ANAPC4: variants seen among roughly 807,000 people sequenced by gnomAD.
The protein encoded by ANAPC4 is anaphase-promoting complex subunit 4.
Under a neutral mutation model 119.8 loss-of-function variants are expected in ANAPC4, and 63 were observed. The ratio of observed to expected loss-of-function variants is 0.53; its 90% confidence interval spans 0.43 to 0.65. ANAPC4 has a LOEUF of 0.65. ANAPC4 is among the 30% of genes least tolerant of loss of function. ANAPC4 has a pLI of 0.00. For synonymous variants in ANAPC4, 283 were observed against 318.6 expected, an observed-to-expected ratio of 0.89 and a Z score of 1.19; for missense variants, 716 against 945.1, an observed-to-expected ratio of 0.76 and a Z score of 3.18.
chr4:25,394,919 G>C lies in ANAPC4; in HGVS notation c.1061+14G>C, dbSNP rs376131064. On this transcript the variant is annotated intron_variant, in intron 14 of 28. Transcript: ENST00000315368. ...TCATTTACAGAGGTATGAAGGTGACGTAGAATTTTTTGGTATTGTATCCAC... is the reference window on the plus strand; with the variant it reads ...TCATTTACAGAGGTATGAAGGTGACCTAGAATTTTTTGGTATTGTATCCAC... 9 of 1,603,786 alleles carry C rather than the reference G, an allele frequency of 5.6e-6. No individual in the cohort carries two copies. The highest frequency in any genetic ancestry group is 7.7e-6 in the Non-Finnish European group (9 of 1,174,672).
chr4:25,410,168 G>A (rs1328788843), intron 21 of ANAPC4, among the ~76,000 whole-genome samples: 2 of 152,006 alleles, frequency 1.3e-5, no homozygotes, highest in African/African-American at 4.8e-5. Flanking sequence ...TATTCTCCTC[G>A]GGTTGTAGTT....
At chr4:25,386,307 G>A (rs1026027561) in intron 4 of ANAPC4, among the ~76,000 whole-genome samples, 2 of 151,936 alleles carry the variant, frequency 1.3e-5, no homozygotes, top group Non-Finnish European at 2.9e-5. Context: ...CTGCCTGCAG[G>A]GTTCAAGTGA....
At chr4:25,378,544 G>A (rs940945446) in intron 2 of ANAPC4, among the ~76,000 whole-genome samples, 1 of 152,256 alleles carries the variant, frequency 6.6e-6, no homozygotes, top group African/African-American at 2.4e-5. Context: ...TAGGAGGGAA[G>A]GTAGACGGGA....
chr4:25,409,622 G>T, intron 20 of ANAPC4, 76 bp from the exon 21 acceptor site: 4 of 1,128,448 alleles, frequency 3.5e-6, no homozygotes, highest in Admixed American at 2.3e-5. Flanking sequence ...ACTTTTTTTT[G>T]TCTTTTACTT....
In ANAPC4 at chr4:25,407,187, T is replaced by A; in HGVS notation, c.1375-10T>A. ...GACTTAAGAATTAAACTATGTTTAT[T>A]TTTTTCCAGGCTCCAGACCTTTATA... On this transcript the variant is annotated splice_polypyrimidine_tract_variant and intron_variant, in intron 19 of 28. Coordinates refer to ENST00000315368, the MANE Select transcript of ANAPC4 (RefSeq NM_013367.3). 1 of 1,595,078 alleles carries A rather than the reference T, an allele frequency of 6.3e-7. No homozygotes were observed. The highest frequency in any genetic ancestry group is 1.1e-5 in the South Asian group (1 of 87,600).
In ANAPC4 at chr4:25,409,144, C is replaced by A. The variant is rs76304582; in HGVS notation, c.1432-554C>A. 8.6e-3 allele frequency among the ~76,000 whole-genome samples: 1,311 copies of A among 152,212 alleles called. 9 individuals carry two copies. Among genetic ancestry groups the A allele is most frequent in the Non-Finnish European group, 0.014 (980 of 68,008 alleles). On this transcript the variant is annotated intron_variant, in intron 20 of 28. Transcript: ENST00000315368. ...AAACTAGTATTGACTTTGTGGATCCCCAAAAGCATCTTGGGGATTCCCAGG... is the reference window on the plus strand; with the variant it reads ...AAACTAGTATTGACTTTGTGGATCCACAAAAGCATCTTGGGGATTCCCAGG...
intron 21 of ANAPC4, among the ~76,000 whole-genome samples, chr4:25,412,692 A>G (rs145285734): frequency 6.6e-6 from 1 of 151,890 alleles, no homozygotes; most frequent in African/African-American, 2.4e-5. Flanking sequence ...CAGAGTTTGC[A>G]ATGAGCTGAG....
At chr4:25,415,417 A>C (rs895954987) in intron 25 of ANAPC4, 49 bp from the exon 26 acceptor site, 1 of 1,412,284 alleles carries the variant, frequency 7.1e-7, no homozygotes, top group Non-Finnish European at 1.0e-6. Context: ...ATTATTGACT[A>C]TCCAGGTTGT....
Position 25,405,462 on chromosome 4 carries a change from TA to T in ANAPC4, c.1271-107del. The stretch of plus-strand genomic sequence containing the variant: ...ATGTTTTTGTTGGTGAAAAGCTGTG[TA>T]AAATTGAAGATTTAGTTCAGTCAAA... On this transcript the variant is annotated intron_variant, in intron 17 of 28. Transcript: ENST00000315368. This position sits in a 1 kb window ranked among gnomAD's most constrained non-coding sequence, Gnocchi z 4.6. 1 of 939,216 alleles carries T rather than the reference TA, an allele frequency of 1.1e-6. No homozygotes were observed. Among genetic ancestry groups the T allele is most frequent in the Non-Finnish European group, 1.6e-6 (1 of 616,198 alleles). 58.2% of individuals were successfully genotyped at this position (939,216 alleles called of 1,614,324 possible).
chr4:25,399,437 A>G (rs1453058685), intron 16 of ANAPC4, among the ~76,000 whole-genome samples: 1 of 150,726 alleles, frequency 6.6e-6, no homozygotes, highest in East Asian at 1.9e-4. Flanking sequence ...TCATGTATGT[A>G]TGTATATGTA....
In ANAPC4 at chr4:25,394,529, G is replaced by A; in HGVS notation, c.942-142G>A. ...TGTGTTACATACTTACGGGGTATAT[G>A]TGATGTTACATGCGTAGAATTTTTT... On this transcript the variant is annotated intron_variant, in intron 12 of 28. Coordinates refer to ENST00000315368, the MANE Select transcript of ANAPC4 (RefSeq NM_013367.3). 6 of 1,035,540 alleles carry A rather than the reference G, an allele frequency of 5.8e-6. No individual in the cohort carries two copies. The South Asian group carries it at 1.0e-4, about 18-fold the overall frequency. The allele number at this position is 1,035,540 out of a possible 1,614,324, so 64.1% of individuals were successfully genotyped here. A position where few individuals can be genotyped will look rare whatever the true frequency, so the allele number is the denominator to read the frequency against.
Position 25,414,509 on chromosome 4 carries a change from G to A in ANAPC4, c.1724+5G>A, listed in dbSNP as rs2109146411. The A allele has an allele frequency of 1.3e-6, 2 of 1,595,726 alleles. No homozygotes were observed. The highest frequency in any genetic ancestry group is 1.7e-6 in the Non-Finnish European group (2 of 1,166,306). ...ATTGTTCAAATTTCCTTTTCTGTAA[G>A]TATATATTTCTTCCCTATCTTGAGT... On this transcript the variant is annotated splice_donor_5th_base_variant and intron_variant, in intron 24 of 28. Transcript: ENST00000315368.
chr4:25,393,776 C>A, intron 10 of ANAPC4, 29 bp from the exon 11 acceptor site: 1 of 1,442,426 alleles, frequency 6.9e-7, no homozygotes, highest in South Asian at 1.3e-5. Context: ...ATATTTTTTA[C>A]CATTTCAATT....
rs150122915 is a variant in ANAPC4, at chr4:25,389,191, G to A, written c.515+309G>A. 8.1e-3 allele frequency among the ~76,000 whole-genome samples: 1,081 copies of A among 133,476 alleles called. 8 individuals carry two copies. Among genetic ancestry groups the A allele is most frequent in the African/African-American group, 0.026 (914 of 35,088 alleles). 87.6% of individuals were successfully genotyped at this position (133,476 alleles called of 152,430 possible). ...TTTTTTTTTTTTGAGACGGAGTCTC[G>A]CTCTGTTGCCAGGCTGGAGTACAGT... is the stretch of plus-strand genomic sequence containing the variant. On this transcript the variant is annotated intron_variant, in intron 7 of 28. Coordinates refer to ENST00000315368, the MANE Select transcript of ANAPC4 (RefSeq NM_013367.3).
chr4:25,390,879 T>C (rs752700721), intron 8 of ANAPC4, 32 bp from the exon 9 acceptor site: 4 of 1,538,482 alleles, frequency 2.6e-6, no homozygotes, highest in African/African-American at 2.7e-5. Context: ...GCAGTGATAC[T>C]AAATATACTA....
chr4:25,381,606 A>G (rs999577508), intron 3 of ANAPC4, among the ~76,000 whole-genome samples: 2 of 152,108 alleles, frequency 1.3e-5, no homozygotes, highest in South Asian at 2.1e-4. Flanking sequence ...ACCACTGCAC[A>G]TGGCCTTCAT....
At chr4:25,400,840 G>A (rs1290691497) in intron 16 of ANAPC4, among the ~76,000 whole-genome samples, 1 of 152,106 alleles carries the variant, frequency 6.6e-6, no homozygotes, top group Non-Finnish European at 1.5e-5. Flanking sequence ...AGGAAGGTGG[G>A]GGCCCTGGAG....
At chr4:25,382,949 CTT>C (rs1457884182) in intron 3 of ANAPC4, among the ~76,000 whole-genome samples, 2 of 152,126 alleles carry the variant, frequency 1.3e-5, no homozygotes, top group Admixed American at 6.5e-5. Flanking sequence ...GTTGAAGCCT[CTT>C]TTGTATTTTC....
Position 25,383,287 on chromosome 4 carries a change from A to G in ANAPC4, c.262A>G (p.Lys88Glu). 1 of 1,610,184 alleles carries G rather than the reference A, an allele frequency of 6.2e-7. No homozygotes were observed. Among genetic ancestry groups the G allele is most frequent in the Non-Finnish European group, 8.5e-7 (1 of 1,178,824 alleles). ...KLLAFALADT[K>E]KIVLCDVEKP... The stretch of plus-strand genomic sequence containing the variant: ...TTTGGCCTTTGCTCTTGCTGATACC[A>G]AGAAAATTGTTTTGTGTGATGTAGA... Residue 88 changes from lysine (K) to glutamate (E), a missense_variant, in exon 4 of 29, where the codon AAG (lysine) becomes GAG (glutamate). Coordinates refer to ENST00000315368, the MANE Select transcript of ANAPC4 (RefSeq NM_013367.3).
Sources: gnomAD v4.1 joint callset for allele counts (sites outside exome capture counted in the v4.1 genomes callset) on GRCh38, gnomAD v4.1.1 for gene constraint, Gnocchi (gnomAD v3.1) non-coding constraint, MANE v1.5 for transcripts, NCBI Gene and HGNC (gene_info 2026-07-23, HGNC 2026-07-21) for gene names.